The following PCCA variants were observed in gnomAD, a reference collection of about 807,000 sequenced individuals.
PCCA encodes propionyl-CoA carboxylase alpha chain, mitochondrial.
Under a neutral mutation model 101.3 loss-of-function variants are expected in PCCA, and 74 were observed. The ratio of observed to expected loss-of-function variants is 0.73; its 90% CI spans 0.61 to 0.89. The LOEUF is 0.89. Ranked by LOEUF, PCCA falls within the 40% of genes least tolerant of loss-of-function variation. The pLI is 0.00. For missense variants in PCCA, 891 were observed against 907.0 expected, an observed-to-expected ratio of 0.98 and a Z score of 0.23; for synonymous variants, 294 against 313.6, an observed-to-expected ratio of 0.94 and a Z score of 0.66.
At chr13:100,487,536 T>C (rs1239420913) in intron 21 of PCCA, among the ~76,000 whole-genome samples, 1 of 152,222 alleles carries the variant, frequency 6.6e-6, no homozygotes, top group Non-Finnish European at 1.5e-5. Context: ...TAATATTTTT[T>C]ATTTCAGGAT....
At chr13:100,300,321 G>T (rs2065960904) in intron 12 of PCCA, among the ~76,000 whole-genome samples, 1 of 151,986 alleles carries the variant, frequency 6.6e-6, no homozygotes, top group African/African-American at 2.4e-5. Flanking sequence ...GCTAATTATG[G>T]GTGCCATCTG....
At chr13:100,472,597 AGT>A (rs1438139356) in intron 21 of PCCA, among the ~76,000 whole-genome samples, 1 of 152,064 alleles carries the variant, frequency 6.6e-6, no homozygotes, top group Non-Finnish European at 1.5e-5. Context: ...GCCAGAGAAA[AGT>A]GTGGGTGGGA....
intron 16 of PCCA, among the ~76,000 whole-genome samples, chr13:100,328,145 A>T (rs1417452780): frequency 6.6e-6 from 1 of 152,078 alleles, no homozygotes; most frequent in African/African-American, 2.4e-5. Context: ...CGGGCAGATC[A>T]CGAGGTCAGG....
At chr13:100,417,138 C>T (rs1314960287) in intron 19 of PCCA, among the ~76,000 whole-genome samples, 5 of 152,180 alleles carry the variant, frequency 3.3e-5, no homozygotes, top group Non-Finnish European at 5.9e-5. Flanking sequence ...CCACCGTGCC[C>T]GGCCTGTCAT....
chr13:100,528,981 C>T (rs2088126988), intron 23 of PCCA, among the ~76,000 whole-genome samples: 1 of 152,138 alleles, frequency 6.6e-6, no homozygotes, highest in Non-Finnish European at 1.5e-5. Context: ...ACCTTGGCCT[C>T]ATCAGTTCCC....
At chr13:100,395,237 T>G (rs1268139806) in intron 19 of PCCA, among the ~76,000 whole-genome samples, 4 of 152,306 alleles carry the variant, frequency 2.6e-5, no homozygotes, top group African/African-American at 9.6e-5. Context: ...CACAAATTAT[T>G]TTGGTGTCTT....
chr13:100,516,623 GGCTGTGAATTGTTGTTT>G, intron 22 of PCCA, among the ~76,000 whole-genome samples: 1 of 152,184 alleles, frequency 6.6e-6, no homozygotes, highest in East Asian at 1.9e-4. Flanking sequence ...GAGGCTACGT[GGCTGTGAATTGTTGTTT>G]GCTGTGAAAG....
In PCCA at chr13:100,444,202, A is replaced by AT. The variant is rs60275166; in HGVS notation, c.1846-5033dup. The stretch of plus-strand genomic sequence containing the variant: ...TTGTTAACTGTCTCATCAGCCCACA[A>AT]TTTTTTTTTTTTTTTTTGAGACGGT... On this transcript the variant is annotated intron_variant, in intron 20 of 23. Coordinates refer to ENST00000376285, the MANE Select transcript of PCCA (RefSeq NM_000282.4). Among the ~76,000 whole-genome samples, 172 of 120,762 alleles carry AT rather than the reference A, an allele frequency of 1.4e-3. 1 individual carries two copies. The highest frequency in any genetic ancestry group is 7.8e-3 in the Middle Eastern group (2 of 256). 79.2% of individuals were successfully genotyped at this position (120,762 alleles called of 152,430 possible). A position where few individuals can be genotyped will look rare whatever the true frequency, so the allele number is the denominator to read the frequency against.
chr13:100,314,422 T>G (rs2067169870), intron 16 of PCCA, among the ~76,000 whole-genome samples: 1 of 152,180 alleles, frequency 6.6e-6, no homozygotes, highest in African/African-American at 2.4e-5. Context: ...CCTATCAATC[T>G]GCCATTAGTG....
chr13:100,346,908 C>G (rs2072322012), intron 18 of PCCA, among the ~76,000 whole-genome samples: 1 of 151,916 alleles, frequency 6.6e-6, no homozygotes, highest in South Asian at 2.1e-4. Context: ...GAGTCTCGCT[C>G]TGTCGCCCAG....
chr13:100,493,676 A>G (rs1309236270), intron 21 of PCCA, among the ~76,000 whole-genome samples: 2 of 152,200 alleles, frequency 1.3e-5, no homozygotes, highest in African/African-American at 4.8e-5. Context: ...GGTCATCTAC[A>G]TGCTTGCAAA....
intron 18 of PCCA, among the ~76,000 whole-genome samples, chr13:100,341,976 T>C (rs915588675): frequency 4.4e-5 from 5 of 113,896 alleles, no homozygotes; most frequent in Admixed American, 1.8e-4. Context: ...TATATATATA[T>C]ATATATGTAT....
intron 11 of PCCA, among the ~76,000 whole-genome samples, chr13:100,271,518 G>A (rs2063314986): frequency 1.3e-5 from 2 of 152,164 alleles, no homozygotes. Context: ...CCAAGAATGT[G>A]AGAAATAAGA....
In PCCA at chr13:100,209,335, G is replaced by T. The variant is rs773032396; in HGVS notation, c.472G>T (p.Ala158Ser). 1 of 1,613,498 alleles carries T rather than the reference G, an allele frequency of 6.2e-7. No individual in the cohort carries two copies. The highest frequency in any genetic ancestry group is 1.3e-5 in the African/African-American group (1 of 74,922). ...TTTGACTTGTTTTTCTCCACAGGCA[G>T]CAGAAGATGTCGTTTTCATTGGACC... ...ENKEFARCLA[A>S]EDVVFIGPDT... Residue 158 changes from alanine to serine, a missense_variant, in exon 7 of 24, where the codon GCA (alanine) becomes TCA (serine). Ala to Ser is a moderately conservative substitution (Grantham distance 99). Coordinates refer to ENST00000376285, the MANE Select transcript of PCCA (RefSeq NM_000282.4).
intron 21 of PCCA, among the ~76,000 whole-genome samples, chr13:100,458,830 G>A (rs1411393694): frequency 1.3e-5 from 2 of 152,064 alleles, no homozygotes; most frequent in African/African-American, 2.4e-5. Flanking sequence ...GTATCTATCC[G>A]TTTTATTACT....
At chr13:100,187,686 CTT>C (rs939963685) in intron 6 of PCCA, among the ~76,000 whole-genome samples, 19 of 151,984 alleles carry the variant, frequency 1.3e-4, no homozygotes, top group Admixed American at 9.8e-4. Flanking sequence ...TTGAAAAAAA[CTT>C]ATTTTAAGTT....
intron 4 of PCCA, among the ~76,000 whole-genome samples, chr13:100,133,015 G>A (rs1305797664): frequency 6.6e-6 from 1 of 152,046 alleles, no homozygotes; most frequent in African/African-American, 2.4e-5. Context: ...TCCTGACCTC[G>A]TGATTCACCT....
At chr13:100,453,427 T>C (rs937285841) in intron 21 of PCCA, among the ~76,000 whole-genome samples, 2 of 151,486 alleles carry the variant, frequency 1.3e-5, no homozygotes. Flanking sequence ...GCTTGAACCT[T>C]GGAGGTGGAG....
rs927421737 is a variant in PCCA at position 100,169,623 on chromosome 13, GTTCAAGTGA to G, written c.468+12287_468+12295del. ...GCTCACTGCAATCTCCGTCTCCCAG[GTTCAAGTGA>G]TTCTCCTGCCTCAGGCTCCTGAGTA... On this transcript the variant is annotated intron_variant, in intron 6 of 23. Transcript: ENST00000376285. Among the ~76,000 whole-genome samples the G allele has an allele frequency of 1.7e-4, 26 of 151,686 alleles. No individual in the cohort carries two copies. In the South Asian group the frequency reaches 5.1e-3, roughly 29 times the overall value.
Sources: allele counts gnomAD v4.1 joint callset (sites outside exome capture counted in the v4.1 genomes callset), GRCh38; gene constraint gnomAD v4.1.1; transcripts MANE v1.5; gene names NCBI Gene and HGNC (gene_info 2026-07-23, HGNC 2026-07-21).